The following DAB1 variants were observed in gnomAD, a reference collection of about 807,000 sequenced individuals.
DAB1 encodes the protein disabled homolog 1.
DAB1 carries 15 observed loss-of-function variants against 64.6 expected under a neutral mutation model. The ratio of observed to expected loss-of-function variants is 0.23; its 90% confidence interval spans 0.16 to 0.36. The LOEUF (loss-of-function observed/expected upper bound fraction) is 0.36. Ranked by LOEUF, DAB1 falls within the 10% of genes least tolerant of loss-of-function variation. The pLI is 1.00. For synonymous variants in DAB1, 235 were observed against 251.9 expected (o/e 0.93, Z 0.64); for missense variants, 596 against 706.7 (o/e 0.84, Z 1.78).
Position 58,089,354 on chromosome 1 carries a change from C to T in DAB1, n.387+61157G>A, listed in dbSNP as rs191409848. Among the ~76,000 whole-genome samples, 7 of 152,348 alleles carry T rather than the reference C, an allele frequency of 4.6e-5. No homozygotes were observed. The East Asian group carries it at 7.7e-4, about 17-fold the overall frequency. ...AGCGCCTAGAACTGTATCTGCTATGCGCTTACGAGTACATGGCATTTTCTG... is the reference window on the plus strand; with the variant it reads ...AGCGCCTAGAACTGTATCTGCTATGTGCTTACGAGTACATGGCATTTTCTG... On this transcript the variant is annotated intron_variant and non_coding_transcript_variant, in intron 5 of 20. Coordinates refer to the DAB1 transcript ENST00000485760.
intron 2 of DAB1, among the ~76,000 whole-genome samples, chr1:58,524,421 CCTTTT>C (rs1404424310): frequency 6.6e-6 from 1 of 152,134 alleles, no homozygotes; most frequent in African/African-American, 2.4e-5. Flanking sequence ...CTTTCATCTT[CCTTTT>C]AAGTTGTAAT....
rs189250813 is a variant in DAB1 at position 58,091,160 on chromosome 1, A to G, written n.387+59351T>C. On this transcript the variant is annotated intron_variant and non_coding_transcript_variant, in intron 5 of 20. Coordinates refer to the DAB1 transcript ENST00000485760. ...GTTTCTAAATTCGGAGTGGGAGAGG[A>G]GGTTGTTCTGAGCCCCTCTTTCCTT... is the stretch of plus-strand genomic sequence containing the variant. Among the ~76,000 whole-genome samples the G allele has an allele frequency of 1.0e-3, 155 of 152,222 alleles. 1 individual carries two copies. Among genetic ancestry groups the G allele is most frequent in the African/African-American group, 3.3e-3 (137 of 41,536 alleles).
intron 5 of DAB1, among the ~76,000 whole-genome samples, chr1:58,042,956 T>C (rs1295842972): frequency 6.6e-6 from 1 of 152,218 alleles, no homozygotes; most frequent in African/African-American, 2.4e-5. Context: ...GTAAAGATTC[T>C]AAGAGCAAAG....
rs527354848 is a variant in DAB1 at position 57,656,627 on chromosome 1, C to T, written n.552-6962G>A. The stretch of plus-strand genomic sequence containing the variant: ...CTCAAGCACAGCTCCCAAAAAACCA[C>T]AGAAATAAGCTGTTCATAGGTACTA... On this transcript the variant is annotated intron_variant and non_coding_transcript_variant, in intron 6 of 20. Transcript: ENST00000485760. 8.5e-5 allele frequency among the ~76,000 whole-genome samples: 13 copies of T among 152,300 alleles called. No individual in the cohort carries two copies. The South Asian group carries it at 2.1e-3, about 24-fold the overall frequency.
rs114875910 is a variant in DAB1 at position 57,747,127 on chromosome 1, C to T, written n.552-97462G>A. Among the ~76,000 whole-genome samples, 1,180 of 152,174 alleles carry T rather than the reference C, an allele frequency of 7.8e-3. 23 individuals carry two copies. Among genetic ancestry groups the T allele is most frequent in the African/African-American group, 0.027 (1,128 of 41,528 alleles). On this transcript the variant is annotated intron_variant and non_coding_transcript_variant, in intron 6 of 20. Transcript: ENST00000485760. Reference sequence around the variant, plus strand: ...AATTTCTCCATGACCCATTTGAAGACCATTTAGATAGTCTCATATGAGTTT... The same window carrying T: ...AATTTCTCCATGACCCATTTGAAGATCATTTAGATAGTCTCATATGAGTTT...
At chr1:58,299,469 T>G (rs968143655) in intron 4 of DAB1, among the ~76,000 whole-genome samples, 21 of 152,246 alleles carry the variant, frequency 1.4e-4, no homozygotes, top group Non-Finnish European at 1.5e-4. Flanking sequence ...ATTTTATTTT[T>G]GTATGTTTAT....
chr1:57,694,628 T>C (rs1646802521), intron 6 of DAB1, among the ~76,000 whole-genome samples: 1 of 152,164 alleles, frequency 6.6e-6, no homozygotes, highest in African/African-American at 2.4e-5. Context: ...TTATTAGGCT[T>C]TTTCAAACTA....
At chr1:58,336,878 AT>A (rs1382446337) in intron 4 of DAB1, among the ~76,000 whole-genome samples, 1 of 152,222 alleles carries the variant, frequency 6.6e-6, no homozygotes, top group Non-Finnish European at 1.5e-5. Context: ...TAGTAGTAGG[AT>A]TTAAGCCCAG....
intron 5 of DAB1, among the ~76,000 whole-genome samples, chr1:57,907,407 G>A (rs557195151): frequency 2.5e-4 from 38 of 152,288 alleles, no homozygotes; most frequent in African/African-American, 8.4e-4. Context: ...CTGTAAAGAT[G>A]CTCCAAGGTC....
intron 5 of DAB1, among the ~76,000 whole-genome samples, chr1:58,062,020 G>A (rs1409673941): frequency 6.6e-6 from 1 of 152,100 alleles, no homozygotes; most frequent in Non-Finnish European, 1.5e-5. Context: ...GGAAACTGAG[G>A]CCCCAAAAAA....
intron 4 of DAB1, among the ~76,000 whole-genome samples, chr1:58,259,047 T>A (rs1009368): frequency 0.12 from 17,680 of 152,212 alleles, 1,259 homozygotes; most frequent in Admixed American, 0.19. Context: ...AATGCTGGTT[T>A]TACAGGATTA....
chr1:57,673,801 T>C (rs3126013), intron 6 of DAB1, among the ~76,000 whole-genome samples: 112,011 of 152,062 alleles, frequency 0.74, 42,170 homozygotes, highest in East Asian at 0.93. Flanking sequence ...ACCTTAGGCT[T>C]TCTAGTCATA....
chr1:57,889,901 GGGGGGGGGGA>G (rs1644283655), intron 5 of DAB1, among the ~76,000 whole-genome samples: 2 of 72,580 alleles, frequency 2.8e-5, no homozygotes, highest in African/African-American at 1.7e-4. Flanking sequence ...AACTGGGGCG[GGGGGGGGGGA>G]GGGGGAAGAA....
chr1:57,545,464 A>G (rs1157899751), intron 7 of DAB1, among the ~76,000 whole-genome samples: 1 of 152,174 alleles, frequency 6.6e-6, no homozygotes, highest in Non-Finnish European at 1.5e-5. Flanking sequence ...TCTTAGTACT[A>G]GAAGTTCCAT....
intron 6 of DAB1, among the ~76,000 whole-genome samples, chr1:57,815,602 CA>C (rs1036057530): frequency 2.0e-5 from 3 of 151,608 alleles, no homozygotes; most frequent in Non-Finnish European, 4.4e-5. Flanking sequence ...GAGAGGTACC[CA>C]AGGGAGCAAA....
intron 4 of DAB1, among the ~76,000 whole-genome samples, chr1:58,223,342 C>T (rs538790485): frequency 6.6e-6 from 1 of 152,154 alleles, no homozygotes; most frequent in Admixed American, 6.6e-5. Context: ...TTTCTCTCAG[C>T]CAGGACCAAA....
At chr1:57,920,888 C>A (rs762442194) in intron 5 of DAB1, among the ~76,000 whole-genome samples, 1 of 152,150 alleles carries the variant, frequency 6.6e-6, no homozygotes, top group Non-Finnish European at 1.5e-5. Flanking sequence ...GGGGCCCTAT[C>A]TACCAACAAT....
intron 6 of DAB1, among the ~76,000 whole-genome samples, chr1:57,777,089 G>C (rs908079696): frequency 5.1e-5 from 7 of 136,448 alleles, no homozygotes; most frequent in African/African-American, 1.6e-4. Flanking sequence ...TAGGTTGACA[G>C]CTTTTTTTTT....
intron 6 of DAB1, among the ~76,000 whole-genome samples, chr1:57,805,704 C>A (rs1276021316): frequency 1.3e-5 from 2 of 152,172 alleles, no homozygotes; most frequent in Non-Finnish European, 2.9e-5. Context: ...TCACACTTAA[C>A]ATGCCCATGA....
Sources: gnomAD v4.1 joint callset for allele counts (sites outside exome capture counted in the v4.1 genomes callset) on GRCh38, gnomAD v4.1.1 for gene constraint, MANE v1.5 for transcripts, NCBI Gene and HGNC (gene_info 2026-07-23, HGNC 2026-07-21) for gene names.